The following ECPAS variants were observed in gnomAD, a reference collection of about 807,000 sequenced individuals.
ECPAS encodes the protein Ecm29 proteasome adaptor and scaffold.
A neutral mutation model predicts 255.1 loss-of-function variants in ECPAS; 70 were observed. That is an observed-to-expected ratio of 0.27 (90% CI 0.23 to 0.33). The LOEUF is 0.33. ECPAS is among the 10% of genes least tolerant of loss of function. The probability of loss-of-function intolerance (pLI) is 1.00; values close to 1 mark genes in which losing one functional copy is unlikely to be tolerated. For synonymous variants in ECPAS, 784 were observed against 775.0 expected (o/e 1.01, Z -0.19); for missense variants, 1,817 against 2,206.4 (o/e 0.82, Z 3.54).
intron 35 of ECPAS, among the ~76,000 whole-genome samples, chr9:111,380,237 C>G (rs189718249): frequency 1.3e-5 from 2 of 152,320 alleles, no homozygotes; most frequent in Admixed American, 6.5e-5. Context: ...CCTTGTACCT[C>G]TCTATCAGAG....
chr9:111,441,276 G>A (rs2098245653), intron 5 of ECPAS, among the ~76,000 whole-genome samples: 1 of 152,042 alleles, frequency 6.6e-6, no homozygotes, highest in East Asian at 1.9e-4. Context: ...GGCCAAGGTG[G>A]GCAGATCATC....
At position 111,430,566 on chromosome 9, in the gene ECPAS, A is replaced by G. The variant is rs775527304; in HGVS notation, c.911T>C (p.Ile304Thr). 61 of 1,595,760 alleles carry G rather than the reference A, an allele frequency of 3.8e-5. No homozygotes were observed. Among genetic ancestry groups the G allele is most frequent in the South Asian group, 6.8e-5 (6 of 88,450 alleles). ...NKMYKVYLGD[I>T]PLKTKEGAVL... is the part of the protein sequence containing the mutation. ...ACCTACCTCTTTTGTCTTCAGTGGT[A>G]TATCTCCAAGGTACACCTTGTACAT... The change falls in exon 9 of 50, where the codon ATA (isoleucine) becomes ACA (threonine). Residue 304 changes from isoleucine (I) to threonine (T), a missense_variant. By Grantham distance (89) the Ile-to-Thr change is moderately conservative (BLOSUM62 -1). Transcript: ENST00000684092.
Position 111,366,467 on chromosome 9 carries a change from C to T in ECPAS, c.5219+55G>A. On this transcript the variant is annotated intron_variant, in intron 47 of 49. Coordinates refer to ENST00000684092, the MANE Select transcript of ECPAS (RefSeq NM_001364929.1). The stretch of plus-strand genomic sequence containing the variant: ...ATGTATAAAAATTCCATTGATTATA[C>T]ATAAAATGCTGCGGGGAGGAACAAA... 12 of 1,388,728 alleles carry T rather than the reference C, an allele frequency of 8.6e-6. No individual in the cohort carries two copies. In the South Asian group the frequency reaches 1.3e-4, roughly 15 times the overall value. 86.0% of individuals were successfully genotyped at this position (1,388,728 alleles called of 1,614,324 possible).
At chr9:111,412,882 T>C (rs2131732711) in intron 20 of ECPAS, among the ~76,000 whole-genome samples, 1 of 152,246 alleles carries the variant, frequency 6.6e-6, no homozygotes, top group South Asian at 2.1e-4. Context: ...TCATTCAAGC[T>C]GTATTTTCCA....
At chr9:111,410,617 A>G (rs1468491358) in intron 22 of ECPAS, among the ~76,000 whole-genome samples, 1 of 152,156 alleles carries the variant, frequency 6.6e-6, no homozygotes, top group East Asian at 1.9e-4. Flanking sequence ...CCCAGGCTCC[A>G]GTGATTCTCC....
chr9:111,466,299 G>T (rs2098279471), intron 2 of ECPAS, among the ~76,000 whole-genome samples: 1 of 151,944 alleles, frequency 6.6e-6, no homozygotes, highest in Admixed American at 6.6e-5. Context: ...ACAAAAATTA[G>T]CTGGGCATGA....
intron 2 of ECPAS, among the ~76,000 whole-genome samples, chr9:111,456,656 G>C (rs2098267346): frequency 6.6e-6 from 1 of 152,156 alleles, no homozygotes. Flanking sequence ...CTCCATATGT[G>C]ACCAGCTGCA....
chr9:111,413,964 T>C lies in ECPAS; in HGVS notation c.2010A>G (p.Leu670=), dbSNP rs750964038. ...CTGGATACACTGACACAGCTTCCAA[T>C]AGACAGTACATAACCGGCAAACCTA... The part of the protein sequence containing the change: ...GVGGLPVMYC[L]LEAVSVYPEK... Residue 670 remains leucine (L), a synonymous_variant, in exon 20 of 50, where the codon CTA becomes CTG. Coordinates refer to ENST00000684092, the MANE Select transcript of ECPAS (RefSeq NM_001364929.1). 2.8e-5 allele frequency: 44 copies of C among 1,585,930 alleles called. No homozygotes were observed. Among genetic ancestry groups the C allele is most frequent in the South Asian group, 1.7e-4 (15 of 86,570 alleles).
chr9:111,418,065 T>C (rs1564531359), intron 16 of ECPAS, 59 bp from the exon 17 acceptor site: 3 of 1,472,514 alleles, frequency 2.0e-6, no homozygotes, highest in Admixed American at 2.5e-5. Context: ...AAATGATCAT[T>C]TGAAGAATAA....
At chr9:111,441,015 G>A (rs1011824344) in intron 5 of ECPAS, among the ~76,000 whole-genome samples, 3 of 151,848 alleles carry the variant, frequency 2.0e-5, no homozygotes, top group South Asian at 2.1e-4. Context: ...AGCCAGGCGC[G>A]GTGGCGGGCA....
chr9:111,385,160 G>T (rs2098146112), intron 33 of ECPAS, among the ~76,000 whole-genome samples, 177 bp downstream of exon 33: 1 of 151,922 alleles, frequency 6.6e-6, no homozygotes, highest in South Asian at 2.1e-4. Flanking sequence ...ATTTAATTTA[G>T]ATCTAAGGAT....
At position 111,376,258 on chromosome 9, in the gene ECPAS, T is replaced by C. The variant is rs1416005864; in HGVS notation, c.4020+218A>G. Among the ~76,000 whole-genome samples the C allele has an allele frequency of 2.0e-5, 3 of 152,180 alleles. No individual in the cohort carries two copies. In the South Asian group the frequency reaches 6.2e-4, roughly 31 times the overall value. On this transcript the variant is annotated intron_variant, in intron 37 of 49. Transcript: ENST00000684092. ...CTTGATATGTTGTTGTCTCTTGTAA[T>C]ACAAATTTGGACCAACTGTTTCTGG...
chr9:111,452,997 A>G (rs927987106), intron 2 of ECPAS, among the ~76,000 whole-genome samples: 1 of 152,070 alleles, frequency 6.6e-6, no homozygotes, highest in Non-Finnish European at 1.5e-5. Flanking sequence ...TAATCCCAAC[A>G]CTTTGAGAGA....
rs567923922 is a variant in ECPAS at position 111,477,534 on chromosome 9, C to A, written c.-82-4534G>T. ...TACTAGTTAGACACACACACACACA[C>A]AAAAAGCCATTTTGATCTTGTTATG... On this transcript the variant is annotated intron_variant, in intron 1 of 49. Transcript: ENST00000684092. Among the ~76,000 whole-genome samples the A allele has an allele frequency of 6.6e-5, 10 of 152,232 alleles. 1 individual carries two copies. Among genetic ancestry groups the A allele is most frequent in the African/African-American group, 2.4e-4 (10 of 41,538 alleles).
At chr9:111,435,761 G>A (rs1371122856) in intron 7 of ECPAS, among the ~76,000 whole-genome samples, 1 of 148,648 alleles carries the variant, frequency 6.7e-6, no homozygotes, top group East Asian at 2.0e-4. Flanking sequence ...CGCACTGCAA[G>A]CTCTGCCTCC....
At chr9:111,465,757 T>C (rs2098278755) in intron 2 of ECPAS, among the ~76,000 whole-genome samples, 1 of 151,846 alleles carries the variant, frequency 6.6e-6, no homozygotes, top group African/African-American at 2.4e-5. Context: ...CAGGCCAGCA[T>C]ATGCAGTGGC....
chr9:111,422,096 C>T (rs1216971309), intron 14 of ECPAS, 38 bp downstream of exon 14: 1 of 1,613,686 alleles, frequency 6.2e-7, no homozygotes, highest in Non-Finnish European at 8.5e-7. Flanking sequence ...AGGGGAACAT[C>T]CAAACACAAA....
intron 15 of ECPAS, among the ~76,000 whole-genome samples, chr9:111,421,425 G>A (rs1033906721): frequency 2.6e-5 from 4 of 151,354 alleles, no homozygotes; most frequent in Admixed American, 2.6e-4. Flanking sequence ...GTGTGTGTGT[G>A]TGTGTGTGTG....
At position 111,362,176 on chromosome 9, in the gene ECPAS, G is replaced by GAAAAAAAAAAAAAAAAAAAAAAAAAA; in HGVS notation, c.5381-8_5381-7insTTTTTTTTTTTTTTTTTTTTTTTTTT. 8.4e-7 allele frequency: 1 copy of GAAAAAAAAAAAAAAAAAAAAAAAAAA among 1,187,956 alleles called. No individual in the cohort carries two copies. The highest frequency in any genetic ancestry group is 2.8e-5 in the East Asian group (1 of 35,524). 73.6% of individuals were successfully genotyped at this position (1,187,956 alleles called of 1,614,324 possible). A position where few individuals can be genotyped will look rare whatever the true frequency, so the allele number is the denominator to read the frequency against. On this transcript the variant is annotated splice_region_variant and splice_polypyrimidine_tract_variant and intron_variant, in intron 49 of 49. Coordinates refer to ENST00000684092, the MANE Select transcript of ECPAS (RefSeq NM_001364929.1). ...CATTCCCACTGTTTAGATTCTGCAT[G>GAAAAAAAAAAAAAAAAAAAAAAAAAA]AAAAAAAAAAAACAAAAACAAAAAA...
Sources: gnomAD v4.1 joint callset for allele counts (sites outside exome capture counted in the v4.1 genomes callset) on GRCh38, gnomAD v4.1.1 for gene constraint, MANE v1.5 for transcripts, NCBI Gene and HGNC (gene_info 2026-07-23, HGNC 2026-07-21) for gene names.